Variants in TESK2 observed in about 807,000 individuals in gnomAD.
TESK2 encodes the protein dual specificity testis-specific protein kinase 2.
Under a neutral mutation model 57.1 loss-of-function variants are expected in TESK2, and 39 were observed. The ratio of observed to expected loss-of-function variants is 0.68; its 90% CI spans 0.53 to 0.89. The LOEUF is 0.89. Ranked by LOEUF, TESK2 falls within the 40% of genes least tolerant of loss-of-function variation. TESK2 has a pLI of 0.00. For synonymous variants in TESK2, 249 were observed against 267.9 expected, an observed-to-expected ratio of 0.93 and a Z score of 0.69; for missense variants, 646 against 732.1, an observed-to-expected ratio of 0.88 and a Z score of 1.36.
intron 3 of TESK2, among the ~76,000 whole-genome samples, chr1:45,394,530 T>C (rs925297879): frequency 1.3e-5 from 2 of 151,696 alleles, no homozygotes; most frequent in African/African-American, 4.8e-5. Flanking sequence ...ACTCTGTAGG[T>C]CAGGGATGGG....
At chr1:45,407,190 A>C (rs1164590552) in intron 3 of TESK2, among the ~76,000 whole-genome samples, 1 of 152,048 alleles carries the variant, frequency 6.6e-6, no homozygotes, top group Non-Finnish European at 1.5e-5. Context: ...GGCTCAAGAG[A>C]TCCTCCCACC....
At chr1:45,390,025 T>C (rs1306832316) in intron 3 of TESK2, among the ~76,000 whole-genome samples, 1 of 152,200 alleles carries the variant, frequency 6.6e-6, no homozygotes, top group Non-Finnish European at 1.5e-5. Context: ...CACTCCAACT[T>C]ATCTTTGAAA....
At chr1:45,385,406 C>T (rs1359717412) in intron 4 of TESK2, 14 of 930,834 alleles carry the variant, frequency 1.5e-5, no homozygotes, top group Non-Finnish European at 1.8e-5. Context: ...TAAACTGATT[C>T]CAACAAGTAA....
At chr1:45,460,750 C>T (rs921538591) in intron 1 of TESK2, among the ~76,000 whole-genome samples, 1 of 151,944 alleles carries the variant, frequency 6.6e-6, no homozygotes, top group African/African-American at 2.4e-5. Flanking sequence ...CACAGCAAGA[C>T]CCCTCATCAC....
At chr1:45,450,212 A>AT (rs1651815030) in intron 2 of TESK2, among the ~76,000 whole-genome samples, 3 of 152,364 alleles carry the variant, frequency 2.0e-5, no homozygotes, top group Non-Finnish European at 2.9e-5. Flanking sequence ...GGAAGAATTA[A>AT]TTTTTTTAAA....
Position 45,457,724 on chromosome 1 carries a change from T to C in TESK2, c.62A>G (p.Glu21Gly), listed in dbSNP as rs200947198. 337 of 1,614,038 alleles carry C rather than the reference T, an allele frequency of 2.1e-4. 2 individuals are homozygous for C. Among genetic ancestry groups the C allele is most frequent in the Non-Finnish European group, 2.3e-4 (266 of 1,180,014 alleles). Residue 21 changes from glutamate to glycine, a missense_variant, in exon 2 of 11, where the codon GAG becomes GGG. Transcript: ENST00000372086. ...TTCTCCTCCACCACCTCCTTCAAAC[T>C]CTTCAAGACGCTCCACACGTGGAGG... Reference protein sequence around the residue: ...GFPPRVERLEEFEGGGGGEGN... With the variant: ...GFPPRVERLEGFEGGGGGEGN...
chr1:45,448,844 A>C (rs2149296680), intron 2 of TESK2, among the ~76,000 whole-genome samples: 1 of 152,272 alleles, frequency 6.6e-6, no homozygotes, highest in Admixed American at 6.5e-5. Flanking sequence ...ACTATATACC[A>C]CTTAGAATGG....
At chr1:45,439,964 CTTT>C (rs532183676) in intron 2 of TESK2, among the ~76,000 whole-genome samples, 1 of 144,540 alleles carries the variant, frequency 6.9e-6, no homozygotes, top group Non-Finnish European at 1.5e-5. Flanking sequence ...CCCACTGCCA[CTTT>C]TTTTTTTTTT....
At chr1:45,440,908 A>C (rs181933353) in intron 2 of TESK2, among the ~76,000 whole-genome samples, 1 of 152,264 alleles carries the variant, frequency 6.6e-6, no homozygotes, top group East Asian at 1.9e-4. Context: ...TGAGGCCCTC[A>C]GTTCAGTGAC....
chr1:45,475,575 G>C (rs1652956506), intron 1 of TESK2, among the ~76,000 whole-genome samples: 1 of 152,172 alleles, frequency 6.6e-6, no homozygotes, highest in African/African-American at 2.4e-5. Context: ...ATATGTACAA[G>C]AATATTAAAG....
At chr1:45,396,829 G>A (rs1448885358) in intron 3 of TESK2, among the ~76,000 whole-genome samples, 1 of 23,416 alleles carries the variant, frequency 4.3e-5, no homozygotes, top group Non-Finnish European at 8.2e-5. Context: ...TTTTTTTTTT[G>A]AGATGGAGTC....
At chr1:45,441,776 C>T (rs1007600621) in intron 2 of TESK2, among the ~76,000 whole-genome samples, 6 of 151,824 alleles carry the variant, frequency 4.0e-5, no homozygotes, top group Non-Finnish European at 1.5e-5. Context: ...GCCACCACGC[C>T]CAGCTAATTT....
At chr1:45,474,232 G>A (rs1262628709) in intron 1 of TESK2, among the ~76,000 whole-genome samples, 1 of 152,020 alleles carries the variant, frequency 6.6e-6, no homozygotes, top group Non-Finnish European at 1.5e-5. Flanking sequence ...AGCTACTCAG[G>A]AGGCTGAGGC....
rs577782389 is a variant in TESK2 at position 45,361,569 on chromosome 1, T to C, written c.394-6120A>G. Among the ~76,000 whole-genome samples, 9 of 152,356 alleles carry C rather than the reference T, an allele frequency of 5.9e-5. No individual in the cohort carries two copies. In the South Asian group the frequency reaches 1.9e-3, roughly 32 times the overall value. On this transcript the variant is annotated intron_variant, in intron 4 of 10. Coordinates refer to ENST00000372086, the MANE Select transcript of TESK2 (RefSeq NM_007170.3). ...AAATAACAGAGTTTCTTCCATTTCATTTGTGTTTGATACTTGGTTTCATTA... is the reference window on the plus strand; with the variant it reads ...AAATAACAGAGTTTCTTCCATTTCACTTGTGTTTGATACTTGGTTTCATTA...
chr1:45,429,662 C>T (rs562287158), intron 2 of TESK2, among the ~76,000 whole-genome samples: 1 of 152,248 alleles, frequency 6.6e-6, no homozygotes, highest in Admixed American at 6.5e-5. Context: ...GTTACCCGTG[C>T]TAAAGTTCTA....
At chr1:45,427,828 TGAA>T (rs1650766222) in intron 2 of TESK2, among the ~76,000 whole-genome samples, 1 of 152,054 alleles carries the variant, frequency 6.6e-6, no homozygotes. Flanking sequence ...CTTGATAGAA[TGAA>T]GAAGATTTAG....
At chr1:45,355,249 G>A (rs1445609647) in intron 5 of TESK2, 54 bp downstream of exon 5, 10 of 1,585,994 alleles carry the variant, frequency 6.3e-6, no homozygotes. Context: ...AGCTTTCTTG[G>A]CAAAAGAGAA....
At chr1:45,481,873 G>A (rs565335541) in intron 1 of TESK2, among the ~76,000 whole-genome samples, 2 of 152,044 alleles carry the variant, frequency 1.3e-5, no homozygotes, top group African/African-American at 2.4e-5. Flanking sequence ...ACCATACATG[G>A]TGCCATTCAT....
intron 3 of TESK2, among the ~76,000 whole-genome samples, chr1:45,394,142 G>A (rs531820836): frequency 6.6e-6 from 1 of 151,800 alleles, no homozygotes; most frequent in Admixed American, 6.6e-5. Flanking sequence ...TTGAGAAGGA[G>A]GGTTGCTTTT....
Sources: gnomAD v4.1 joint callset for allele counts (sites outside exome capture counted in the v4.1 genomes callset) on GRCh38, gnomAD v4.1.1 for gene constraint, MANE v1.5 for transcripts, NCBI Gene and HGNC (gene_info 2026-07-23, HGNC 2026-07-21) for gene names.